Variants in RYR2 observed in about 807,000 individuals in gnomAD.
RYR2 encodes the protein ryanodine receptor 2.
In RYR2, 227 loss-of-function variants were observed where a neutral mutation model predicts 601.1. That is an observed-to-expected ratio of 0.38 (90% CI 0.34 to 0.42). The LOEUF is 0.42. RYR2 is among the 10% of genes least tolerant of loss of function. The pLI, the probability that RYR2 is intolerant of heterozygous loss-of-function variation, is 1.00. For synonymous variants in RYR2, 2,223 were observed against 2,175.1 expected, an observed-to-expected ratio of 1.02 and a Z score of -0.61; for missense variants, 4,646 against 6,156.5, an observed-to-expected ratio of 0.75 and a Z score of 8.21.
At chr1:237,100,471 C>T (rs897607686) in intron 1 of RYR2, among the ~76,000 whole-genome samples, 59 of 151,792 alleles carry the variant, frequency 3.9e-4, no homozygotes, top group Admixed American at 3.7e-3. Flanking sequence ...AATGCAACCT[C>T]CACTTCCCAG....
rs1348082457 is a variant in RYR2, at chr1:237,786,002, AAAG to A, written c.13300_13302del (p.Glu4434del). On this transcript the variant is annotated inframe_deletion, in exon 91 of 105. Coordinates refer to ENST00000366574, the MANE Select transcript of RYR2 (RefSeq NM_001035.3). ...GGCAAAAGAAGAAGAAAAGGAAGAA[AAAG>A]AAGAAACCAAATCTGAACCTGAAAA... The A allele has an allele frequency of 3.8e-6, 6 of 1,592,712 alleles. No individual in the cohort carries two copies. The highest frequency in any genetic ancestry group is 1.3e-5 in the African/African-American group (1 of 74,540).
intron 82 of RYR2, among the ~76,000 whole-genome samples, chr1:237,759,262 T>C (rs1693213326): frequency 6.6e-6 from 1 of 152,018 alleles, no homozygotes; most frequent in Non-Finnish European, 1.5e-5. Flanking sequence ...GATTTTTGTA[T>C]TTTTTAGTAG....
chr1:237,464,015 C>T (rs1250437195), intron 16 of RYR2, among the ~76,000 whole-genome samples: 1 of 152,298 alleles, frequency 6.6e-6, no homozygotes, highest in African/African-American at 2.4e-5. Flanking sequence ...TGATCTATAA[C>T]CTTTACAAAT....
At chr1:237,754,089 T>G (rs1472147683) in intron 80 of RYR2, among the ~76,000 whole-genome samples, 1 of 152,074 alleles carries the variant, frequency 6.6e-6, no homozygotes, top group East Asian at 1.9e-4. Flanking sequence ...ACAGAGAGGT[T>G]GACTTGATCT....
At chr1:237,293,363 C>T (rs1227155308) in intron 2 of RYR2, among the ~76,000 whole-genome samples, 1 of 152,128 alleles carries the variant, frequency 6.6e-6, no homozygotes. Context: ...CGTGCCACCA[C>T]ACCCGGCTAA....
chr1:237,252,116 G>A (rs1558500864), intron 1 of RYR2, among the ~76,000 whole-genome samples: 1 of 151,656 alleles, frequency 6.6e-6, no homozygotes, highest in Non-Finnish European at 1.5e-5. Context: ...GTGGGAATGA[G>A]TCATGTCCTT....
chr1:237,456,796 AC>A, intron 16 of RYR2, 61 bp downstream of exon 16: 2 of 1,557,914 alleles, frequency 1.3e-6, no homozygotes, highest in Non-Finnish European at 1.7e-6. Flanking sequence ...CCATAAATGG[AC>A]TAGGTGTGAT....
intron 27 of RYR2, among the ~76,000 whole-genome samples, chr1:237,550,996 C>T (rs1209695320): frequency 6.6e-6 from 1 of 152,152 alleles, no homozygotes. Flanking sequence ...ACCAGCCCTC[C>T]TCCAGAACAG....
chr1:237,613,901 T>C lies in RYR2; in HGVS notation c.4911-138T>C, dbSNP rs188059911. ...AATTCTGGTCCCAAGCATTTCAGAT[T>C]AGGGATGTTCAACCTGCAGTGTCTA... On this transcript the variant is annotated intron_variant, in intron 36 of 104. Transcript: ENST00000366574. The C allele has an allele frequency of 6.0e-5, 44 of 732,898 alleles. No individual in the cohort carries two copies. In the East Asian group the frequency reaches 1.1e-3, roughly 19 times the overall value. 45.4% of individuals were successfully genotyped at this position (732,898 alleles called of 1,614,324 possible). A position where few individuals can be genotyped will look rare whatever the true frequency, so the allele number is the denominator to read the frequency against.
chr1:237,806,338 A>G lies in RYR2; in HGVS notation c.14298+55A>G, dbSNP rs790879. On this transcript the variant is annotated intron_variant, in intron 99 of 104. Coordinates refer to ENST00000366574, the MANE Select transcript of RYR2 (RefSeq NM_001035.3). ...AGAAAATAAAAAAGCAACAAATAAA[A>G]CAAAGAAAAATAAAACTACCCCTCA... The G allele has an allele frequency of 0.22, 330,962 of 1,529,464 alleles. 38,777 individuals are homozygous for G. Among genetic ancestry groups the G allele is most frequent in the East Asian group, 0.52 (22,962 of 44,394 alleles). 94.7% of individuals were successfully genotyped at this position (1,529,464 alleles called of 1,614,324 possible).
At chr1:237,792,360 T>TGTGTGTGTGTGTGCGCGC (rs2149382182) in intron 94 of RYR2, 37 bp downstream of exon 94, 2 of 820,854 alleles carry the variant, frequency 2.4e-6, no homozygotes, top group South Asian at 3.7e-5. Flanking sequence ...TGTGTGTGTG[T>TGTGTGTGTGTGTGCGCGC]GTGTGTGTGT....
chr1:237,492,451 G>A (rs974565112), intron 18 of RYR2, among the ~76,000 whole-genome samples: 3 of 152,222 alleles, frequency 2.0e-5, no homozygotes, highest in African/African-American at 7.2e-5. Flanking sequence ...GGAAACTACT[G>A]TAATGTTTAA....
At chr1:237,706,368 A>T (rs1688379367) in intron 67 of RYR2, among the ~76,000 whole-genome samples, 1 of 152,190 alleles carries the variant, frequency 6.6e-6, no homozygotes, top group Non-Finnish European at 1.5e-5. Context: ...GTTTTAGGAA[A>T]AGGGAATTTG....
intron 2 of RYR2, among the ~76,000 whole-genome samples, chr1:237,302,911 T>C (rs1693502355): frequency 6.6e-6 from 1 of 152,242 alleles, no homozygotes; most frequent in South Asian, 2.1e-4. Context: ...ACTGTCATAT[T>C]GCCCTTCAGA....
In RYR2 at chr1:237,798,111, G is replaced by A. The variant is rs1334803515; in HGVS notation, c.14031G>A (p.Leu4677=). ...SELLGMDKAA[L]DFSDAREKKK... is the part of the protein sequence containing the mutation. ...TACTTGGCATGGACAAGGCAGCTCT[G>A]GACTTCAGTGATGCCAGAGAAAAGA... Residue 4677 remains leucine (L), a synonymous_variant, in exon 97 of 105, where the codon CTG becomes CTA. Coordinates refer to ENST00000366574, the MANE Select transcript of RYR2 (RefSeq NM_001035.3). 2 of 1,611,898 alleles carry A rather than the reference G, an allele frequency of 1.2e-6. No homozygotes were observed. The highest frequency in any genetic ancestry group is 1.3e-5 in the African/African-American group (1 of 74,878).
intron 1 of RYR2, chr1:237,267,607 C>A: frequency 3.1e-6 from 1 of 327,492 alleles, no homozygotes; most frequent in Admixed American, 3.6e-5. Flanking sequence ...TTTCTGGGCC[C>A]TAGATCCTCA....
chr1:237,188,391 CA>C (rs144765029), intron 1 of RYR2, among the ~76,000 whole-genome samples: 235 of 152,168 alleles, frequency 1.5e-3, no homozygotes, highest in African/African-American at 5.5e-3. Flanking sequence ...CCCTTTGCAG[CA>C]CAGGCTTGGG....
chr1:237,778,438 A>C (rs1694835261), intron 87 of RYR2, among the ~76,000 whole-genome samples: 1 of 151,838 alleles, frequency 6.6e-6, no homozygotes, highest in Non-Finnish European at 1.5e-5. Flanking sequence ...AATCCTTGAG[A>C]AACTTTTTTT....
chr1:237,364,410 G>A, intron 5 of RYR2, 38 bp downstream of exon 5: 1 of 1,176,882 alleles, frequency 8.5e-7, no homozygotes, highest in African/African-American at 1.5e-5. Context: ...TATATATATA[G>A]CAGATATATT....
Sources: allele counts gnomAD v4.1 joint callset (sites outside exome capture counted in the v4.1 genomes callset), GRCh38; gene constraint gnomAD v4.1.1; transcripts MANE v1.5; gene names NCBI Gene and HGNC (gene_info 2026-07-23, HGNC 2026-07-21).